CLCN5: variants seen among roughly 807,000 people sequenced by gnomAD.
CLCN5 encodes Cl-/H+ antiporter 5.
CLCN5 carries 17 observed loss-of-function variants against 54.0 expected under a neutral mutation model. The observed-to-expected ratio is 0.31, with a 90% CI of 0.22 to 0.47. The LOEUF (loss-of-function observed/expected upper bound fraction) is 0.47, where lower values mean the gene tolerates loss of function less well. Among genes scored for constraint, CLCN5 ranks in the 20% least tolerant of loss-of-function variants. The pLI is 1.00. For synonymous variants in CLCN5, 222 were observed against 233.0 expected, an observed-to-expected ratio of 0.95 and a Z score of 0.43; for missense variants, 448 against 646.7, an observed-to-expected ratio of 0.69 and a Z score of 3.33.
intron 3 of CLCN5, chrX:50,008,397 C>T (rs1262536887): frequency 3.1e-6 from 1 of 320,276 alleles, no homozygotes. Flanking sequence ...AAGAATGAGC[C>T]CTCTCACTGA....
At chrX:50,000,645 T>G (rs1302966594) in intron 3 of CLCN5, among the ~76,000 whole-genome samples, 1 of 111,923 alleles carries the variant, frequency 8.9e-6, no homozygotes, top group African/African-American at 3.3e-5. Context: ...AGATTACCTG[T>G]GGTAGAATCC....
At chrX:50,089,018 A>G (rs1933989573) in intron 12 of CLCN5, 134 bp downstream of exon 12, 1 of 570,493 alleles carries the variant, frequency 1.8e-6, no homozygotes, top group Non-Finnish European at 3.0e-6. Context: ...TTCCAAGCAC[A>G]TTAAGAAAGC....
intron 7 of CLCN5, among the ~76,000 whole-genome samples, chrX:50,077,509 T>C (rs781946962): frequency 3.8e-5 from 4 of 106,631 alleles, no homozygotes; most frequent in African/African-American, 1.4e-4. Flanking sequence ...TGTCCCATAC[T>C]CTGATGCCTT....
chrX:50,066,163 TAAAAAA>T (rs11393952), intron 4 of CLCN5, among the ~76,000 whole-genome samples: 1 of 45,229 alleles, frequency 2.2e-5, no homozygotes, highest in Non-Finnish European at 3.9e-5. Flanking sequence ...AAAGTATAAT[TAAAAAA>T]AAAAAAAAAA....
intron 14 of CLCN5, among the ~76,000 whole-genome samples, chrX:50,091,819 T>G (rs1483372072): frequency 8.9e-6 from 1 of 112,244 alleles, no homozygotes; most frequent in Non-Finnish European, 1.9e-5. Flanking sequence ...TCAGGGAAGG[T>G]GCTCTGGAAT....
chrX:50,051,479 A>G (rs1402835883), intron 4 of CLCN5, among the ~76,000 whole-genome samples: 1 of 112,073 alleles, frequency 8.9e-6, no homozygotes, highest in Non-Finnish European at 1.9e-5. Flanking sequence ...TTCAGCTTCA[A>G]CATTGTGTTG....
At chrX:50,050,657 CTT>C (rs1161956431) in intron 4 of CLCN5, among the ~76,000 whole-genome samples, 8 of 61,268 alleles carry the variant, frequency 1.3e-4, no homozygotes, top group African/African-American at 6.0e-4. Flanking sequence ...GTCTTCTTGG[CTT>C]TTTTTTTTTT....
At chrX:50,011,281 A>G (rs782444782) in intron 3 of CLCN5, among the ~76,000 whole-genome samples, 2 of 112,154 alleles carry the variant, frequency 1.8e-5, no homozygotes, top group East Asian at 2.8e-4. Context: ...TCAAGTGTCT[A>G]TTAGACAGCA....
chrX:50,046,572 T>C (rs1569539354), intron 4 of CLCN5, among the ~76,000 whole-genome samples: 1 of 111,306 alleles, frequency 9.0e-6, no homozygotes, highest in Non-Finnish European at 1.9e-5. Flanking sequence ...GAAGGAAGAC[T>C]GCAGGGGCTA....
At chrX:49,937,690 A>C (rs6610121) in intron 3 of CLCN5, among the ~76,000 whole-genome samples, 8,648 of 111,941 alleles carry the variant, frequency 0.077, 853 homozygotes, top group African/African-American at 0.27. Flanking sequence ...TATATTAATA[A>C]CTAAACAGCA....
At chrX:49,992,014 GACA>G (rs1929285052) in intron 3 of CLCN5, among the ~76,000 whole-genome samples, 1 of 111,382 alleles carries the variant, frequency 9.0e-6, no homozygotes, top group Non-Finnish European at 1.9e-5. Context: ...CACAAATTCT[GACA>G]ACAGCCCAAA....
In CLCN5 at chrX:50,097,406, C is replaced by A. The variant is rs1166157603; in HGVS notation, c.*5187C>A. 2 of 111,988 alleles carry A rather than the reference C, an allele frequency of 1.8e-5. No homozygotes were observed. Among genetic ancestry groups the A allele is most frequent in the Non-Finnish European group, 3.8e-5 (2 of 53,176 alleles). The allele number at this position is 111,988 out of a possible 1,213,427, so 9.2% of individuals were successfully genotyped here. A position where few individuals can be genotyped will look rare whatever the true frequency, so the allele number is the denominator to read the frequency against. ...CTTGGATGGGACCTATCGGGTCACCCAGCCCAGTCTTACAGTCATAAATTC... is the reference window on the plus strand; with the variant it reads ...CTTGGATGGGACCTATCGGGTCACCAAGCCCAGTCTTACAGTCATAAATTC... On this transcript the variant is annotated 3_prime_UTR_variant, in exon 15 of 15. Coordinates refer to ENST00000376091, the MANE Select transcript of CLCN5 (RefSeq NM_001127898.4).
At chrX:49,934,159 T>A (rs1925801290) in intron 3 of CLCN5, among the ~76,000 whole-genome samples, 1 of 111,678 alleles carries the variant, frequency 9.0e-6, no homozygotes, top group African/African-American at 3.3e-5. Flanking sequence ...CAGTTTTCTG[T>A]TGAATCTTAG....
chrX:49,971,231 T>A (rs1299726621), intron 3 of CLCN5, among the ~76,000 whole-genome samples: 3 of 103,956 alleles, frequency 2.9e-5, no homozygotes, highest in African/African-American at 1.0e-4. Flanking sequence ...TATATATAAA[T>A]ATATATTTAT....
chrX:50,080,244 T>G (rs973833501), intron 7 of CLCN5, among the ~76,000 whole-genome samples: 76 of 111,109 alleles, frequency 6.8e-4, no homozygotes, highest in African/African-American at 2.4e-3. Flanking sequence ...CTCTTAAGAC[T>G]CTTGGTAAAA....
chrX:49,988,994 C>T (rs1557178569), intron 3 of CLCN5, among the ~76,000 whole-genome samples: 4 of 111,114 alleles, frequency 3.6e-5, no homozygotes, highest in South Asian at 3.8e-4. Flanking sequence ...GGTGGGTTCA[C>T]GCTGCAACTA....
chrX:50,059,272 G>C (rs1171795636), intron 4 of CLCN5, among the ~76,000 whole-genome samples: 1 of 111,421 alleles, frequency 9.0e-6, no homozygotes, highest in Non-Finnish European at 1.9e-5. Context: ...AAAATATATT[G>C]TTTTTCTTAT....
At chrX:50,035,497 G>A (rs1557186421) in intron 3 of CLCN5, among the ~76,000 whole-genome samples, 2 of 110,450 alleles carry the variant, frequency 1.8e-5, no homozygotes, top group African/African-American at 6.6e-5. Context: ...TCAAGTAGAA[G>A]AGATTATGCA....
At chrX:49,996,463 T>C (rs1442503688) in intron 3 of CLCN5, among the ~76,000 whole-genome samples, 1 of 112,120 alleles carries the variant, frequency 8.9e-6, no homozygotes, top group Non-Finnish European at 1.9e-5. Flanking sequence ...CTCCAACTTA[T>C]AAAACTTTGG....
Sources: allele counts gnomAD v4.1 joint callset (sites outside exome capture counted in the v4.1 genomes callset), GRCh38; gene constraint gnomAD v4.1.1; transcripts MANE v1.5; gene names NCBI Gene and HGNC (gene_info 2026-07-23, HGNC 2026-07-21).